Variants in MALRD1 observed in about 807,000 individuals in gnomAD.
MALRD1 encodes MAM and LDL-receptor class A domain-containing protein 1.
Under a neutral mutation model 242.1 loss-of-function variants are expected in MALRD1, and 247 were observed. That is an observed-to-expected ratio of 1.02 (90% CI 0.92 to 1.13). The LOEUF is 1.13. Ranked by LOEUF, MALRD1 falls within the 50% of genes most tolerant of loss-of-function variation. The pLI, the probability that MALRD1 is intolerant of heterozygous loss-of-function variation, is 0.00. For missense variants in MALRD1, 2,989 were observed against 2,533.1 expected, an observed-to-expected ratio of 1.18 and a Z score of -3.86; for synonymous variants, 995 against 866.6, an observed-to-expected ratio of 1.15 and a Z score of -2.60.
At chr10:19,378,781 T>C (rs569738744) in intron 26 of MALRD1, among the ~76,000 whole-genome samples, 2 of 152,276 alleles carry the variant, frequency 1.3e-5, no homozygotes, top group South Asian at 4.1e-4. Context: ...CATCTTGTCA[T>C]GTATTTTTCT....
rs114417547 is a variant in MALRD1, at chr10:19,622,360, A to G, written c.6137+6437A>G. Among the ~76,000 whole-genome samples, 1,512 of 151,822 alleles carry G rather than the reference A, an allele frequency of 1.0e-2. 21 individuals are homozygous for G. Among genetic ancestry groups the G allele is most frequent in the African/African-American group, 0.034 (1,419 of 41,536 alleles). On this transcript the variant is annotated intron_variant, in intron 36 of 39. Coordinates refer to ENST00000454679, the MANE Select transcript of MALRD1 (RefSeq NM_001142308.3). The stretch of plus-strand genomic sequence containing the variant: ...AAACTATTAAAAGGAAAAAATGAAA[A>G]AACTCTATTCACATTGACAACAAAA...
intron 5 of MALRD1, among the ~76,000 whole-genome samples, chr10:19,118,375 A>G (rs1045712119): frequency 2.0e-5 from 3 of 152,200 alleles, no homozygotes; most frequent in African/African-American, 7.2e-5. Flanking sequence ...GAGACATAAA[A>G]TATCAATCAA....
chr10:19,708,595 C>G (rs1281162143), intron 38 of MALRD1, among the ~76,000 whole-genome samples: 3 of 114,726 alleles, frequency 2.6e-5, no homozygotes, highest in African/African-American at 5.5e-5. Flanking sequence ...ATTCTCCTGC[C>G]GGGGCCTCCC....
At chr10:19,270,601 G>C (rs1840183890) in intron 19 of MALRD1, among the ~76,000 whole-genome samples, 3 of 152,052 alleles carry the variant, frequency 2.0e-5, no homozygotes, top group African/African-American at 4.8e-5. Context: ...ATATGGGATG[G>C]ACAAGATGGA....
intron 31 of MALRD1, among the ~76,000 whole-genome samples, chr10:19,526,577 T>C (rs1287352084): frequency 6.6e-6 from 1 of 152,126 alleles, no homozygotes; most frequent in Non-Finnish European, 1.5e-5. Context: ...TTTCTGACTT[T>C]TGTGTTAGAC....
At chr10:19,659,670 T>C (rs942680136) in intron 36 of MALRD1, among the ~76,000 whole-genome samples, 1 of 152,188 alleles carries the variant, frequency 6.6e-6, no homozygotes, top group African/African-American at 2.4e-5. Context: ...TTCAACTTTT[T>C]CTAACATAAT....
intron 26 of MALRD1, among the ~76,000 whole-genome samples, chr10:19,381,843 A>G (rs1360483718): frequency 6.6e-6 from 1 of 152,016 alleles, no homozygotes; most frequent in Non-Finnish European, 1.5e-5. Flanking sequence ...TGTCTCAAAA[A>G]TAAAATACAA....
At chr10:19,562,120 A>G (rs1241995679) in intron 32 of MALRD1, among the ~76,000 whole-genome samples, 1 of 152,008 alleles carries the variant, frequency 6.6e-6, no homozygotes, top group Admixed American at 6.6e-5. Flanking sequence ...AGATGGTGAA[A>G]CCCTGTCTCT....
chr10:19,203,382 A>G (rs1206245220), intron 14 of MALRD1, among the ~76,000 whole-genome samples: 2 of 152,176 alleles, frequency 1.3e-5, no homozygotes, highest in Admixed American at 6.5e-5. Flanking sequence ...GATGCCTCCC[A>G]GCTGATGTAA....
chr10:19,651,460 G>T (rs890531440), intron 36 of MALRD1, among the ~76,000 whole-genome samples: 1 of 152,084 alleles, frequency 6.6e-6, no homozygotes. Context: ...TTAAAAGAAG[G>T]CCATTATTTG....
At chr10:19,156,462 GTT>G (rs36080909) in intron 12 of MALRD1, among the ~76,000 whole-genome samples, 7,863 of 126,534 alleles carry the variant, frequency 0.062, 339 homozygotes, top group African/African-American at 0.14. Context: ...GATATAGAGC[GTT>G]TTTTTTTTTT....
At chr10:19,709,819 T>C (rs960546265) in intron 38 of MALRD1, among the ~76,000 whole-genome samples, 2 of 152,232 alleles carry the variant, frequency 1.3e-5, no homozygotes, top group Admixed American at 6.5e-5. Flanking sequence ...TTTATCTGTG[T>C]GCTGGTCTTA....
At chr10:19,499,573 G>A (rs1837878640) in intron 31 of MALRD1, among the ~76,000 whole-genome samples, 1 of 152,066 alleles carries the variant, frequency 6.6e-6, no homozygotes, top group South Asian at 2.1e-4. Context: ...TATTGGACTT[G>A]GCAGCCTTCA....
intron 36 of MALRD1, among the ~76,000 whole-genome samples, chr10:19,670,335 G>A (rs1363496347): frequency 2.0e-5 from 3 of 152,074 alleles, no homozygotes; most frequent in African/African-American, 7.2e-5. Context: ...CCATCAGCCA[G>A]CCTTCACCTG....
intron 29 of MALRD1, among the ~76,000 whole-genome samples, chr10:19,480,744 G>T (rs1198745403): frequency 6.6e-6 from 1 of 152,024 alleles, no homozygotes; most frequent in East Asian, 1.9e-4. Context: ...GTCCTTGTCG[G>T]GTGTACCAGT....
chr10:19,429,145 G>C (rs1339733862), intron 28 of MALRD1, among the ~76,000 whole-genome samples: 2 of 152,176 alleles, frequency 1.3e-5, no homozygotes. Context: ...CTTGCATTAA[G>C]GGACTGTAAA....
intron 26 of MALRD1, among the ~76,000 whole-genome samples, chr10:19,360,064 AAAATT>A (rs1207055921): frequency 2.6e-5 from 4 of 152,090 alleles, no homozygotes; most frequent in African/African-American, 7.2e-5. Context: ...TAAAAAGAGA[AAAATT>A]AAAATAATTA....
intron 26 of MALRD1, among the ~76,000 whole-genome samples, chr10:19,352,610 A>G (rs895452481): frequency 3.9e-4 from 59 of 152,234 alleles, no homozygotes; most frequent in East Asian, 1.9e-4. Flanking sequence ...TCCTAAGCAA[A>G]CATCTATTCA....
At chr10:19,522,759 C>T (rs566938748) in intron 31 of MALRD1, among the ~76,000 whole-genome samples, 5 of 152,190 alleles carry the variant, frequency 3.3e-5, no homozygotes, top group African/African-American at 1.2e-4. Context: ...AAGAAATTTT[C>T]CCAAAGTCAC....
Sources: allele counts gnomAD v4.1 joint callset (sites outside exome capture counted in the v4.1 genomes callset), GRCh38; gene constraint gnomAD v4.1.1; transcripts MANE v1.5; gene names NCBI Gene and HGNC (gene_info 2026-07-23, HGNC 2026-07-21).